THBS2: variants seen among roughly 807,000 people sequenced by gnomAD.
THBS2 encodes thrombospondin-2.
A neutral mutation model predicts 135.2 loss-of-function variants in THBS2; 47 were observed. That is an observed-to-expected ratio of 0.35 (90% CI 0.28 to 0.44). The LOEUF is 0.44. Among genes scored for constraint, THBS2 ranks in the 20% least tolerant of loss-of-function variants. THBS2 has a pLI of 1.00. For missense variants in THBS2, 1,288 were observed against 1,603.1 expected (o/e 0.80, Z 3.36); for synonymous variants, 639 against 633.8 (o/e 1.01, Z -0.12).
intron 17 of THBS2, among the ~76,000 whole-genome samples, chr6:169,223,979 C>T (rs1055501161): frequency 2.0e-5 from 3 of 152,114 alleles, no homozygotes; most frequent in African/African-American, 4.8e-5. Context: ...AAGTTTTCAG[C>T]GGGGTTGTGG....
chr6:169,226,645 G>A (rs1202381869), intron 15 of THBS2, among the ~76,000 whole-genome samples: 1 of 152,198 alleles, frequency 6.6e-6, no homozygotes, highest in Admixed American at 6.5e-5. Flanking sequence ...GAAAGTATGT[G>A]TTGAGTTCCC....
chr6:169,250,809 G>A lies in THBS2; in HGVS notation c.-22-3C>T, dbSNP rs774166472. 5 of 1,609,580 alleles carry A rather than the reference G, an allele frequency of 3.1e-6. No individual in the cohort carries two copies. The Admixed American group carries it at 5.0e-5, about 16-fold the overall frequency. ...TCCTGCCTCCTGCAGCTGAGCTCCT[G>A]GGAATACAGGAAACCCTTGTTAGTG... On this transcript the variant is annotated splice_polypyrimidine_tract_variant and splice_region_variant and intron_variant, in intron 1 of 21. Transcript: ENST00000617924.
intron 8 of THBS2, 117 bp from the exon 9 acceptor site, chr6:169,237,463 A>G: frequency 6.8e-7 from 1 of 1,472,752 alleles, no homozygotes. Flanking sequence ...GGGAAGGAGA[A>G]CCCCTCCCAT....
chr6:169,218,750 T>G (rs1383128416), intron 21 of THBS2, among the ~76,000 whole-genome samples: 62 of 71,704 alleles, frequency 8.6e-4, no homozygotes, highest in African/African-American at 1.3e-3. Flanking sequence ...GTGGATGAGA[T>G]GGATGGATGG....
intron 20 of THBS2, among the ~76,000 whole-genome samples, chr6:169,220,943 A>C (rs973938390): frequency 1.3e-5 from 2 of 152,236 alleles, no homozygotes; most frequent in Admixed American, 1.3e-4. Context: ...ACTTTGAAAA[A>C]ACAAAAACAC....
At chr6:169,224,427 C>T (rs1779545085) in intron 17 of THBS2, among the ~76,000 whole-genome samples, 2 of 152,306 alleles carry the variant, frequency 1.3e-5, no homozygotes, top group Admixed American at 1.3e-4. Flanking sequence ...CAGGAGCTGC[C>T]CTTCTGATCC....
chr6:169,242,358 A>G (rs1780340565), intron 4 of THBS2, among the ~76,000 whole-genome samples: 1 of 151,902 alleles, frequency 6.6e-6, no homozygotes, highest in Non-Finnish European at 1.5e-5. Context: ...AAAGCTTCCG[A>G]CCACAAATCT....
intron 12 of THBS2, 152 bp from the exon 13 acceptor site, chr6:169,232,350 A>G: frequency 1.1e-6 from 1 of 897,354 alleles, no homozygotes; most frequent in South Asian, 1.6e-5. Context: ...CACGCACTTG[A>G]GGTGCTGTTC....
chr6:169,218,245 ATGG>A, intron 21 of THBS2, among the ~76,000 whole-genome samples: 1 of 121,416 alleles, frequency 8.2e-6, no homozygotes, highest in South Asian at 3.2e-4. Flanking sequence ...GCTGGATGAG[ATGG>A]ATGGATGGGT....
At chr6:169,247,863 C>A (rs1224942215) in intron 3 of THBS2, among the ~76,000 whole-genome samples, 1 of 150,896 alleles carries the variant, frequency 6.6e-6, no homozygotes, top group Non-Finnish European at 1.5e-5. Context: ...GGTGTGTGCA[C>A]GTGTGTGCAT....
chr6:169,242,437 C>A (rs1001304990), intron 4 of THBS2, among the ~76,000 whole-genome samples: 4 of 151,842 alleles, frequency 2.6e-5, no homozygotes, highest in Admixed American at 1.3e-4. Context: ...TTTTTCATCC[C>A]CAAACACCCT....
rs1354524288 is a variant in THBS2, at chr6:169,237,094, C to T, written c.1477+76G>A. ...GAACAGGCCCTGACACCCCGGATCC[C>T]GGCTCCAGCTGTGGCTGCTCACTGT... On this transcript the variant is annotated intron_variant, in intron 9 of 21. Transcript: ENST00000617924. The T allele has an allele frequency of 1.1e-5, 16 of 1,502,636 alleles. 1 individual carries two copies. The highest frequency in any genetic ancestry group is 7.0e-5 in the East Asian group (3 of 42,982). The allele number at this position is 1,502,636 out of a possible 1,614,324, so 93.1% of individuals were successfully genotyped here.
rs1189282658 is a variant in THBS2, at chr6:169,252,302, C to A, written c.-23+1422G>T. On this transcript the variant is annotated intron_variant, in intron 1 of 21. Coordinates refer to ENST00000617924, the MANE Select transcript of THBS2 (RefSeq NM_003247.5). This position sits in a 1 kb window ranked among gnomAD's most constrained non-coding sequence, Gnocchi z 4.3. The stretch of plus-strand genomic sequence containing the variant: ...ATGAGCTTAGAACAGTACCTGCATG[C>A]AGTAAGCACCACAGAACGGTGTTAG... Among the ~76,000 whole-genome samples the A allele has an allele frequency of 6.6e-6, 1 of 152,084 alleles. No homozygotes were observed. The highest frequency in any genetic ancestry group is 1.5e-5 in the Non-Finnish European group (1 of 68,022).
At position 169,240,453 on chromosome 6, in the gene THBS2, T is replaced by A. The variant is rs1179416028; in HGVS notation, c.1031A>T (p.Lys344Met). Residue 344 changes from lysine to methionine, a missense_variant and splice_region_variant, in exon 6 of 22, where the codon AAG (lysine) becomes ATG (methionine). Coordinates refer to ENST00000617924, the MANE Select transcript of THBS2 (RefSeq NM_003247.5). ...VVDSCTTCTC[K>M]KFKTICHQIT... Reference sequence around the variant, plus strand: ...AAGAGCCGTGTTCTGGGGCCTCACCTTGCAGGTACACGTGGTGCAGCTGTC... The same window carrying A: ...AAGAGCCGTGTTCTGGGGCCTCACCATGCAGGTACACGTGGTGCAGCTGTC... 1.2e-5 allele frequency: 19 copies of A among 1,613,314 alleles called. No homozygotes were observed. Among genetic ancestry groups the A allele is most frequent in the Non-Finnish European group, 1.6e-5 (19 of 1,179,900 alleles).
chr6:169,230,356 C>G (rs1013437267), intron 13 of THBS2, among the ~76,000 whole-genome samples: 12 of 151,888 alleles, frequency 7.9e-5, no homozygotes, highest in African/African-American at 2.9e-4. Flanking sequence ...TACAAGAGCC[C>G]CAAGGGTGTG....
intron 5 of THBS2, 28 bp from the exon 6 acceptor site, chr6:169,240,620 G>A (rs1254251671): frequency 6.2e-7 from 1 of 1,612,162 alleles, no homozygotes; most frequent in Non-Finnish European, 8.5e-7. Context: ...ACATTTAAGT[G>A]TAGACAATAA....
In THBS2 at chr6:169,217,669, T is replaced by TG; in HGVS notation, c.*152dup. On this transcript the variant is annotated 3_prime_UTR_variant, in exon 22 of 22. Coordinates refer to ENST00000617924, the MANE Select transcript of THBS2 (RefSeq NM_003247.5). ...TTTATCCTCTGAAGGCACTTGGGTT[T>TG]GGGGTTGCTGGCAGGAGGTGAAGAA... The TG allele has an allele frequency of 1.3e-6, 1 of 742,536 alleles. No individual in the cohort carries two copies. Among genetic ancestry groups the TG allele is most frequent in the Non-Finnish European group, 2.1e-6 (1 of 467,452 alleles). 46.0% of individuals were successfully genotyped at this position (742,536 alleles called of 1,614,324 possible).
At chr6:169,221,981 G>A (rs1779445739) in intron 19 of THBS2, among the ~76,000 whole-genome samples, 1 of 152,220 alleles carries the variant, frequency 6.6e-6, no homozygotes, top group Non-Finnish European at 1.5e-5. Flanking sequence ...TTTGTAAAAG[G>A]ATTAGCAACT....
intron 17 of THBS2, 97 bp from the exon 18 acceptor site, chr6:169,223,572 GAGTGCATCT>G: frequency 2.1e-6 from 2 of 962,900 alleles, no homozygotes; most frequent in East Asian, 4.9e-5. Flanking sequence ...TGAGAAACAT[GAGTGCATCT>G]TTCCCAGAAC....
Sources: gnomAD v4.1 joint callset for allele counts (sites outside exome capture counted in the v4.1 genomes callset) on GRCh38, gnomAD v4.1.1 for gene constraint, Gnocchi (gnomAD v3.1) non-coding constraint, MANE v1.5 for transcripts, NCBI Gene and HGNC (gene_info 2026-07-23, HGNC 2026-07-21) for gene names.